Variants in TCF12 observed in about 807,000 individuals in gnomAD.
TCF12 encodes DNA-binding protein HTF4.
A neutral mutation model predicts 86.0 loss-of-function variants in TCF12; 45 were observed. That is an observed-to-expected ratio of 0.52 (90% CI 0.41 to 0.67). The LOEUF (loss-of-function observed/expected upper bound fraction) is 0.67, where lower values mean the gene tolerates loss of function less well. TCF12 is among the 30% of genes least tolerant of loss of function. The pLI is 0.00. For synonymous variants in TCF12, 330 were observed against 299.6 expected, an observed-to-expected ratio of 1.10 and a Z score of -1.05; for missense variants, 881 against 859.9, an observed-to-expected ratio of 1.02 and a Z score of -0.31.
intron 3 of TCF12, among the ~76,000 whole-genome samples, chr15:56,978,617 C>T (rs2062735212): frequency 6.6e-6 from 1 of 152,180 alleles, no homozygotes; most frequent in African/African-American, 2.4e-5. Context: ...TTTGTCTATA[C>T]CTCACATACA....
chr15:57,230,496 C>G (rs2059085667), intron 8 of TCF12, among the ~76,000 whole-genome samples: 1 of 151,948 alleles, frequency 6.6e-6, no homozygotes, highest in Non-Finnish European at 1.5e-5. Flanking sequence ...TTATAGTTTG[C>G]TTATCTAAAG....
At chr15:57,015,098 G>A (rs190604009) in intron 3 of TCF12, among the ~76,000 whole-genome samples, 1 of 151,882 alleles carries the variant, frequency 6.6e-6, no homozygotes, top group Non-Finnish European at 1.5e-5. Flanking sequence ...AGACTAGCCT[G>A]GCCAACATGG....
At chr15:57,249,759 A>G (rs2060021857) in intron 13 of TCF12, among the ~76,000 whole-genome samples, 1 of 152,212 alleles carries the variant, frequency 6.6e-6, no homozygotes, top group African/African-American at 2.4e-5. Context: ...TAAACCTTCA[A>G]CTTCCAACTT....
At chr15:56,925,620 A>G (rs2059978277) in intron 3 of TCF12, among the ~76,000 whole-genome samples, 1 of 152,194 alleles carries the variant, frequency 6.6e-6, no homozygotes, top group Non-Finnish European at 1.5e-5. Context: ...TTGTCTGCCT[A>G]GTGTTGTCAA....
At chr15:57,009,936 A>G (rs1483862731) in intron 3 of TCF12, among the ~76,000 whole-genome samples, 1 of 152,206 alleles carries the variant, frequency 6.6e-6, no homozygotes, top group Non-Finnish European at 1.5e-5. Context: ...TTGGATTTAT[A>G]TATTTGAGGG....
At chr15:57,063,959 T>C (rs2068654088) in intron 4 of TCF12, 136 bp downstream of exon 4, 1 of 675,676 alleles carries the variant, frequency 1.5e-6, no homozygotes, top group African/African-American at 1.8e-5. Context: ...TAGTACCTTT[T>C]TGTTACATTT....
chr15:57,122,262 C>T (rs758203399), intron 5 of TCF12, among the ~76,000 whole-genome samples: 32 of 151,748 alleles, frequency 2.1e-4, no homozygotes, highest in Non-Finnish European at 4.3e-4. Flanking sequence ...TTTAAGTCCC[C>T]TTCATCAGAG....
At chr15:57,064,795 C>CAAAAAAAAAAAAAAAA (rs1177544594) in intron 4 of TCF12, among the ~76,000 whole-genome samples, 11 of 78,068 alleles carry the variant, frequency 1.4e-4, no homozygotes, top group African/African-American at 5.8e-4. Context: ...GACTCCATCT[C>CAAAAAAAAAAAAAAAA]AAAAAAAAAA....
In TCF12 at chr15:56,986,574, C is replaced by T. The variant is rs1235756152; in HGVS notation, c.148+65476C>T. 3.3e-5 allele frequency among the ~76,000 whole-genome samples: 5 copies of T among 152,280 alleles called. No homozygotes were observed. In the East Asian group the frequency reaches 9.6e-4, roughly 29 times the overall value. ...TATGGCAGAAACCAGAAATAGAAAT[C>T]TTCCAGAAGTTTTATAATGTATTAC... On this transcript the variant is annotated intron_variant, in intron 3 of 20. Coordinates refer to ENST00000333725, the MANE Select transcript of TCF12 (RefSeq NM_207037.2).
At chr15:57,113,870 A>G (rs1036344846) in intron 5 of TCF12, among the ~76,000 whole-genome samples, 14 of 151,832 alleles carry the variant, frequency 9.2e-5, no homozygotes, top group African/African-American at 3.4e-4. Context: ...ACAGGAGGAT[A>G]GCTTGAGCCC....
chr15:57,137,276 C>G (rs1456851655), intron 5 of TCF12, among the ~76,000 whole-genome samples: 1 of 152,250 alleles, frequency 6.6e-6, no homozygotes, highest in South Asian at 2.1e-4. Context: ...GCCACCACGC[C>G]CGGCCCTGGC....
At chr15:57,223,292 T>A (rs932947458) in intron 8 of TCF12, among the ~76,000 whole-genome samples, 1 of 152,144 alleles carries the variant, frequency 6.6e-6, no homozygotes, top group East Asian at 1.9e-4. Flanking sequence ...TTAGTCTCCA[T>A]AGCAAAGGGC....
intron 3 of TCF12, among the ~76,000 whole-genome samples, chr15:56,990,642 C>A (rs2063406183): frequency 6.6e-6 from 1 of 151,976 alleles, no homozygotes; most frequent in South Asian, 2.1e-4. Flanking sequence ...TATCTGTTGG[C>A]CTGTAGCATA....
At chr15:56,976,036 G>A (rs1465376146) in intron 3 of TCF12, among the ~76,000 whole-genome samples, 5 of 151,818 alleles carry the variant, frequency 3.3e-5, no homozygotes, top group Admixed American at 2.6e-4. Flanking sequence ...GAGCCACACC[G>A]TATATGTTTA....
At chr15:57,174,214 C>CA (rs1271528332) in intron 6 of TCF12, among the ~76,000 whole-genome samples, 3 of 152,166 alleles carry the variant, frequency 2.0e-5, no homozygotes, top group South Asian at 2.1e-4. Flanking sequence ...CAGTAATACT[C>CA]AAACAACACG....
chr15:57,259,950 C>T (rs2060514394), intron 16 of TCF12, among the ~76,000 whole-genome samples: 1 of 152,112 alleles, frequency 6.6e-6, no homozygotes, highest in Non-Finnish European at 1.5e-5. Context: ...TATATGAGGG[C>T]CATTTGCAAG....
chr15:57,091,935 T>C (rs750172890), intron 5 of TCF12, 44 bp downstream of exon 5: 28 of 1,526,076 alleles, frequency 1.8e-5, no homozygotes, highest in Non-Finnish European at 2.5e-5. Flanking sequence ...AAAGCTTCTT[T>C]GGTCAGAGAC....
chr15:57,123,146 T>C (rs2051359150), intron 5 of TCF12, among the ~76,000 whole-genome samples: 1 of 152,254 alleles, frequency 6.6e-6, no homozygotes, highest in Non-Finnish European at 1.5e-5. Context: ...ATTCAAACTT[T>C]AGCTCTTTGC....
chr15:57,019,226 T>C (rs1422182165), intron 3 of TCF12, among the ~76,000 whole-genome samples: 2 of 152,250 alleles, frequency 1.3e-5, no homozygotes, highest in Non-Finnish European at 2.9e-5. Flanking sequence ...TGCCTTTTAC[T>C]ATCAATGTAG....
Sources: allele counts gnomAD v4.1 joint callset (sites outside exome capture counted in the v4.1 genomes callset), GRCh38; gene constraint gnomAD v4.1.1; transcripts MANE v1.5; gene names NCBI Gene and HGNC (gene_info 2026-07-23, HGNC 2026-07-21).